ABCC9: variants seen among roughly 807,000 people sequenced by gnomAD.
The protein encoded by ABCC9 is ATP-binding cassette sub-family C member 9.
In ABCC9, 95 loss-of-function variants were observed where a neutral mutation model predicts 188.3. The observed-to-expected ratio is 0.50, with a 90% CI of 0.43 to 0.60. The LOEUF is 0.60. ABCC9 is among the 20% of genes least tolerant of loss of function. The pLI is 0.00. For missense variants in ABCC9, 1,102 were observed against 1,876.3 expected, an observed-to-expected ratio of 0.59 and a Z score of 7.62; for synonymous variants, 659 against 652.7, an observed-to-expected ratio of 1.01 and a Z score of -0.15.
chr12:21,845,731 C>T lies in ABCC9; in HGVS notation c.2968G>A (p.Gly990Arg), dbSNP rs868219603. 1.2e-6 allele frequency: 2 copies of T among 1,613,922 alleles called. No individual in the cohort carries two copies. Among genetic ancestry groups the T allele is most frequent in the East Asian group, 2.2e-5 (1 of 44,872 alleles). The change falls in exon 26 of 40, where the codon GGA becomes AGA. Residue 990 changes from glycine (G) to arginine (R), a missense_variant. By Grantham distance (125) the Gly-to-Arg change is moderately radical. Coordinates refer to ENST00000261200, the MANE Select transcript of ABCC9 (RefSeq NM_020297.4). ...ATCATCAGGATGAGCAGGAAGAATC[C>T]TCCAGATGTCAGGTAGCGCCAGCAG... ...KTCWRYLTSG[G>R]FFLLILMIFS...
chr12:21,881,826 A>T (rs1946632189), intron 16 of ABCC9, among the ~76,000 whole-genome samples: 1 of 152,126 alleles, frequency 6.6e-6, no homozygotes, highest in South Asian at 2.1e-4. Context: ...ATATCCTTTT[A>T]ACCCCAAAAC....
At chr12:21,888,900 G>A (rs893900673) in intron 14 of ABCC9, among the ~76,000 whole-genome samples, 1 of 74,642 alleles carries the variant, frequency 1.3e-5, no homozygotes, top group Non-Finnish European at 2.6e-5. Context: ...GGCAAGCTAG[G>A]ATGCAGCAAG....
chr12:21,865,884 C>T (rs994237480), intron 18 of ABCC9, among the ~76,000 whole-genome samples: 1 of 151,994 alleles, frequency 6.6e-6, no homozygotes, highest in African/African-American at 2.4e-5. Flanking sequence ...TTTGTGGGAG[C>T]ATAATAAGGG....
intron 14 of ABCC9, among the ~76,000 whole-genome samples, chr12:21,888,138 T>C (rs1946972511): frequency 6.6e-6 from 1 of 152,098 alleles, no homozygotes; most frequent in East Asian, 1.9e-4. Context: ...GACATGGGAC[T>C]TTCAGTACTA....
chr12:21,849,032 T>C (rs963088964), intron 24 of ABCC9, among the ~76,000 whole-genome samples: 3 of 152,146 alleles, frequency 2.0e-5, no homozygotes, highest in African/African-American at 4.8e-5. Context: ...TTCAGTTACA[T>C]TGTGGGTTAA....
rs368753369 is a variant in ABCC9 at position 21,917,099 on chromosome 12, C to A, written c.411G>T (p.Leu137=). The part of the protein sequence containing the change: ...TSNFPKLLLA[L]FLYWVMAFIT... The stretch of plus-strand genomic sequence containing the variant: ...TAAAGGCCATTACCCAATACAGGAA[C>A]AGGGCTGAAAAGAAAAAGACAAAAA... The change falls in exon 6 of 40, where the codon CTG becomes CTT. Residue 137 remains leucine (L), a synonymous_variant. Transcript: ENST00000261200. The A allele has an allele frequency of 1.9e-5, 30 of 1,613,378 alleles. No individual in the cohort carries two copies. The highest frequency in any genetic ancestry group is 2.5e-5 in the Non-Finnish European group (29 of 1,179,596).
At chr12:21,804,025 C>T (rs1399547649) in intron 39 of ABCC9, among the ~76,000 whole-genome samples, 1 of 152,084 alleles carries the variant, frequency 6.6e-6, no homozygotes, top group South Asian at 2.1e-4. Context: ...TGGTGGTGCT[C>T]TCCCTTTTAT....
rs1329350715 is a variant in ABCC9, at chr12:21,806,073, A to G, written c.4450-13T>C. 6.2e-7 allele frequency: 1 copy of G among 1,612,346 alleles called. No individual in the cohort carries two copies. ...GCAAAATATTCTCCTGCAAAAAAAA[A>G]AAAGTGTAAATTTTCTCGGGATTAC... On this transcript the variant is annotated splice_polypyrimidine_tract_variant and intron_variant, in intron 38 of 39. Coordinates refer to ENST00000261200, the MANE Select transcript of ABCC9 (RefSeq NM_020297.4).
intron 15 of ABCC9, 142 bp from the exon 16 acceptor site, chr12:21,883,015 A>T (rs546245205): frequency 1.1e-5 from 7 of 650,010 alleles, no homozygotes; most frequent in East Asian, 8.6e-5. Context: ...ACTCCTTCAT[A>T]AAAAAAAATG....
chr12:21,797,647 C>A lies in ABCC9; in HGVS notation c.*3397G>T, dbSNP rs1170950631. 1 of 152,138 alleles carries A rather than the reference C, an allele frequency of 6.6e-6. No individual in the cohort carries two copies. The highest frequency in any genetic ancestry group is 2.4e-5 in the African/African-American group (1 of 41,436). The allele number at this position is 152,138 out of a possible 1,614,324, so 9.4% of individuals were successfully genotyped here. A position where few individuals can be genotyped will look rare whatever the true frequency, so the allele number is the denominator to read the frequency against. ...TAAATTCCAAGGGCACAATGGCAAA[C>A]AAGACATGGTCCCGAATCTCAGTTA... On this transcript the variant is annotated 3_prime_UTR_variant, in exon 40 of 40. Transcript: ENST00000261200.
At chr12:21,816,483 A>G (rs1341668004) in intron 33 of ABCC9, among the ~76,000 whole-genome samples, 2 of 152,128 alleles carry the variant, frequency 1.3e-5, no homozygotes, top group African/African-American at 4.8e-5. Context: ...TCCAAGAGGA[A>G]ACAGTGCCTG....
At chr12:21,884,342 G>C (rs993146623) in intron 15 of ABCC9, among the ~76,000 whole-genome samples, 3 of 151,902 alleles carry the variant, frequency 2.0e-5, no homozygotes, top group Admixed American at 2.0e-4. Flanking sequence ...CGAAGTGCTG[G>C]GACTATAGGT....
chr12:21,813,676 C>T (rs748132635), intron 35 of ABCC9, among the ~76,000 whole-genome samples: 1 of 152,106 alleles, frequency 6.6e-6, no homozygotes, highest in Non-Finnish European at 1.5e-5. Context: ...CTTAAAGTAT[C>T]TGTGCATTAT....
chr12:21,912,731 T>C, intron 8 of ABCC9, 141 bp downstream of exon 8: 1 of 822,370 alleles, frequency 1.2e-6, no homozygotes, highest in Non-Finnish European at 1.9e-6. Context: ...GGAAAATTAC[T>C]GTTTTCTTTC....
chr12:21,934,026 G>T, intron 3 of ABCC9, 103 bp from the exon 4 acceptor site: 1 of 1,254,690 alleles, frequency 8.0e-7, no homozygotes, highest in Non-Finnish European at 1.1e-6. Flanking sequence ...GGGGTGGGGG[G>T]GTCCTGAAAC....
intron 22 of ABCC9, among the ~76,000 whole-genome samples, chr12:21,857,238 T>G (rs1945271415): frequency 6.6e-6 from 1 of 152,192 alleles, no homozygotes; most frequent in Admixed American, 6.6e-5. Context: ...ATAAACACTA[T>G]ACATCAGGGA....
At chr12:21,861,164 C>A (rs1945484866) in intron 20 of ABCC9, 109 bp from the exon 21 acceptor site, 1 of 854,574 alleles carries the variant, frequency 1.2e-6, no homozygotes, top group Non-Finnish European at 2.0e-6. Flanking sequence ...TGCTGAATCA[C>A]TTATTATATG....
intron 15 of ABCC9, among the ~76,000 whole-genome samples, chr12:21,883,927 C>G (rs1946753968): frequency 6.6e-6 from 1 of 152,004 alleles, no homozygotes. Context: ...TTGTCATTCT[C>G]TAATTTTTTG....
chr12:21,846,908 A>C (rs1286234126), intron 25 of ABCC9, among the ~76,000 whole-genome samples: 1 of 152,048 alleles, frequency 6.6e-6, no homozygotes, highest in African/African-American at 2.4e-5. Flanking sequence ...AAGAGCCAAT[A>C]ATAAGTAAAC....
Sources: gnomAD v4.1 joint callset for allele counts (sites outside exome capture counted in the v4.1 genomes callset) on GRCh38, gnomAD v4.1.1 for gene constraint, MANE v1.5 for transcripts, NCBI Gene and HGNC (gene_info 2026-07-23, HGNC 2026-07-21) for gene names.